Variants in GPC3 observed in about 807,000 individuals in gnomAD.
GPC3 encodes the protein glypican 3, also known as glypican-3.
Under a neutral mutation model 34.4 loss-of-function variants are expected in GPC3, and 3 were observed. The ratio of observed to expected loss-of-function variants is 0.09; its 90% confidence interval spans 0.04 to 0.23. GPC3 has a LOEUF of 0.23. GPC3 is among the 10% of genes least tolerant of loss of function. The probability of loss-of-function intolerance (pLI) is 1.00; values close to 1 mark genes in which losing one functional copy is unlikely to be tolerated. For synonymous variants in GPC3, 177 were observed against 174.0 expected (o/e 1.02, Z -0.13); for missense variants, 351 against 445.6 (o/e 0.79, Z 1.91).
At chrX:133,555,031 C>T (rs775072293) in intron 7 of GPC3, among the ~76,000 whole-genome samples, 3 of 112,395 alleles carry the variant, frequency 2.7e-5, no homozygotes, top group Non-Finnish European at 3.8e-5. Context: ...TCTACAGGGA[C>T]ATGCCACTAC....
intron 7 of GPC3, among the ~76,000 whole-genome samples, chrX:133,583,565 A>T (rs2069754521): frequency 9.0e-6 from 1 of 110,974 alleles, no homozygotes; most frequent in African/African-American, 3.3e-5. Context: ...GGATGTTGCC[A>T]TGTTAGCCAG....
chrX:133,696,723 G>A (rs1477292773), intron 4 of GPC3, among the ~76,000 whole-genome samples: 4 of 112,127 alleles, frequency 3.6e-5, no homozygotes, highest in Admixed American at 1.9e-4. Flanking sequence ...TGGACAATTC[G>A]TTGCCTGGGA....
intron 5 of GPC3, among the ~76,000 whole-genome samples, chrX:133,685,570 A>G (rs750464549): frequency 7.6e-4 from 81 of 106,463 alleles, no homozygotes; most frequent in African/African-American, 1.4e-3. Flanking sequence ...GTGTGTGTGT[A>G]TATATATATA....
At chrX:133,756,201 G>A (rs1028806004) in intron 2 of GPC3, among the ~76,000 whole-genome samples, 6 of 112,263 alleles carry the variant, frequency 5.3e-5, no homozygotes, top group Admixed American at 2.8e-4. Flanking sequence ...GCATTTTCCC[G>A]TGGTCACACA....
intron 2 of GPC3, among the ~76,000 whole-genome samples, chrX:133,770,694 A>G (rs2071907392): frequency 8.9e-6 from 1 of 111,938 alleles, no homozygotes; most frequent in Non-Finnish European, 1.9e-5. Context: ...CAAGCTCCTA[A>G]CAAACTACAG....
chrX:133,766,226 C>A (rs7888794), intron 2 of GPC3, among the ~76,000 whole-genome samples: 1,159 of 111,968 alleles, frequency 0.01, 14 homozygotes, highest in African/African-American at 0.035. Context: ...ACTTAAAGAC[C>A]ATTTTTGAGG....
chrX:133,945,839 AC>A (rs2076366059), intron 2 of GPC3, among the ~76,000 whole-genome samples: 1 of 111,755 alleles, frequency 8.9e-6, no homozygotes, highest in African/African-American at 3.2e-5. Context: ...CTGCACTTGC[AC>A]ACCCTCTCAC....
intron 2 of GPC3, among the ~76,000 whole-genome samples, chrX:133,925,760 T>C (rs1044035200): frequency 1.9e-4 from 21 of 111,604 alleles, no homozygotes; most frequent in African/African-American, 6.9e-4. Context: ...AGTAATACTA[T>C]GTAGATAATA....
intron 2 of GPC3, among the ~76,000 whole-genome samples, chrX:133,770,845 G>T (rs1055133925): frequency 1.5e-4 from 17 of 112,201 alleles, no homozygotes; most frequent in Non-Finnish European, 2.3e-4. Flanking sequence ...TAGCAGGATT[G>T]TTCTTCTATT....
At chrX:133,651,125 C>T (rs1165404595) in intron 6 of GPC3, among the ~76,000 whole-genome samples, 3 of 111,544 alleles carry the variant, frequency 2.7e-5, no homozygotes, top group Non-Finnish European at 5.7e-5. Context: ...GTGAACATCA[C>T]AATCCCAAAA....
At chrX:133,969,105 G>A (rs1011833367) in intron 1 of GPC3, among the ~76,000 whole-genome samples, 1 of 110,333 alleles carries the variant, frequency 9.1e-6, no homozygotes, top group African/African-American at 3.3e-5. Context: ...CTTCAGGGGT[G>A]GGGGTGGAGC....
chrX:133,921,393 TG>T (rs959543422), intron 2 of GPC3, among the ~76,000 whole-genome samples: 5 of 111,972 alleles, frequency 4.5e-5, no homozygotes, highest in African/African-American at 1.3e-4. Flanking sequence ...AACTTTGAGG[TG>T]GGGAGCTACA....
At chrX:133,786,696 G>A (rs1393004277) in intron 2 of GPC3, among the ~76,000 whole-genome samples, 2 of 111,925 alleles carry the variant, frequency 1.8e-5, no homozygotes, top group African/African-American at 6.5e-5. Flanking sequence ...CCTGGGATTT[G>A]ATCTGTGAGG....
rs183536109 is a variant in GPC3, at chrX:133,947,012, A to G, written c.337+6038T>C. On this transcript the variant is annotated intron_variant, in intron 2 of 7. Transcript: ENST00000370818. ...CTCCACTCTACTGACAAGAGAATTC[A>G]AATCTCTCAAACATATGCTTCATTA... 6.5e-4 allele frequency among the ~76,000 whole-genome samples: 73 copies of G among 112,027 alleles called. 1 individual carries two copies. The highest frequency in any genetic ancestry group is 2.0e-3 in the African/African-American group (63 of 30,837).
rs1458710326 is a variant in GPC3 at position 133,828,804 on chromosome X, T to C, written c.338-74628A>G. Among the ~76,000 whole-genome samples, 5 of 110,995 alleles carry C rather than the reference T, an allele frequency of 4.5e-5. No homozygotes were observed. The Admixed American group carries it at 4.8e-4, about 11-fold the overall frequency. On this transcript the variant is annotated intron_variant, in intron 2 of 7. Coordinates refer to ENST00000370818, the MANE Select transcript of GPC3 (RefSeq NM_004484.4). ...TACAGTTAATAATTAAGTATTGTAT[T>C]TTTCAAAATTGCTTTAAGAATAGAT...
intron 2 of GPC3, among the ~76,000 whole-genome samples, chrX:133,803,380 G>T (rs1372187899): frequency 8.9e-6 from 1 of 112,055 alleles, no homozygotes; most frequent in African/African-American, 3.2e-5. Context: ...CCCTACCATG[G>T]TCCAAAACTG....
chrX:133,690,097 T>C (rs1684128584), intron 5 of GPC3, among the ~76,000 whole-genome samples: 2 of 111,850 alleles, frequency 1.8e-5, no homozygotes, highest in Non-Finnish European at 3.8e-5. Flanking sequence ...GAGCCATTAA[T>C]CCTTCCAGGC....
At chrX:133,962,468 T>C (rs918259267) in intron 1 of GPC3, among the ~76,000 whole-genome samples, 1 of 111,910 alleles carries the variant, frequency 8.9e-6, no homozygotes, top group African/African-American at 3.3e-5. Context: ...TCAGATTAAT[T>C]GATGCTACTA....
intron 2 of GPC3, among the ~76,000 whole-genome samples, chrX:133,830,678 C>CA (rs1174232524): frequency 0.025 from 328 of 13,370 alleles, 65 homozygotes; most frequent in Non-Finnish European, 0.036. Context: ...GACTCCATCT[C>CA]AAAAAAAAAA....
Sources: allele counts gnomAD v4.1 joint callset (sites outside exome capture counted in the v4.1 genomes callset), GRCh38; gene constraint gnomAD v4.1.1; transcripts MANE v1.5; gene names NCBI Gene and HGNC (gene_info 2026-07-23, HGNC 2026-07-21).